Variants in RYR2 observed in about 807,000 individuals in gnomAD.
RYR2 encodes cardiac muscle ryanodine receptor-calcium release channel.
RYR2 carries 227 observed loss-of-function variants against 601.1 expected under a neutral mutation model. The ratio of observed to expected loss-of-function variants is 0.38; its 90% confidence interval spans 0.34 to 0.42. The LOEUF (loss-of-function observed/expected upper bound fraction) is 0.42, where lower values mean the gene tolerates loss of function less well. Ranked by LOEUF, RYR2 falls within the 10% of genes least tolerant of loss-of-function variation. The pLI, the probability that RYR2 is intolerant of heterozygous loss-of-function variation, is 1.00. For synonymous variants in RYR2, 2,223 were observed against 2,175.1 expected (o/e 1.02, Z -0.61); for missense variants, 4,646 against 6,156.5 (o/e 0.75, Z 8.21).
chr1:237,786,153 A>G, intron 91 of RYR2, 117 bp downstream of exon 91: 2 of 693,284 alleles, frequency 2.9e-6, no homozygotes, highest in Non-Finnish European at 2.5e-6. Flanking sequence ...GGAGCCACAG[A>G]ACTAATTGTG....
intron 38 of RYR2, among the ~76,000 whole-genome samples, chr1:237,620,054 G>C (rs2148627877): frequency 6.6e-6 from 1 of 152,292 alleles, no homozygotes; most frequent in South Asian, 2.1e-4. Flanking sequence ...TATGGTGAAT[G>C]CAGTGCATTT....
chr1:237,656,357 A>G (rs528185494), intron 53 of RYR2, among the ~76,000 whole-genome samples: 1 of 151,836 alleles, frequency 6.6e-6, no homozygotes, highest in African/African-American at 2.4e-5. Flanking sequence ...CATGCACTGC[A>G]AAGCTGTTTC....
Position 237,564,567 on chromosome 1 carries a change from G to A in RYR2, c.3215-2000G>A, listed in dbSNP as rs144214666. Among the ~76,000 whole-genome samples, 450 of 152,136 alleles carry A rather than the reference G, an allele frequency of 3.0e-3. 1 individual carries two copies. Among genetic ancestry groups the A allele is most frequent in the Non-Finnish European group, 4.5e-3 (304 of 67,984 alleles). ...TAACAGGTGTGAGCCACCGCGACCCGCCAAGAACTAGTTTCTTAATAGCAC... is the reference window on the plus strand; with the variant it reads ...TAACAGGTGTGAGCCACCGCGACCCACCAAGAACTAGTTTCTTAATAGCAC... On this transcript the variant is annotated intron_variant, in intron 27 of 104. Transcript: ENST00000366574.
chr1:237,482,825 A>G (rs1341140863), intron 17 of RYR2, among the ~76,000 whole-genome samples: 1 of 152,198 alleles, frequency 6.6e-6, no homozygotes, highest in African/African-American at 2.4e-5. Context: ...CCAACAGTGC[A>G]GGAGGGTTCC....
Position 237,626,580 on chromosome 1 carries a change from CTTTTTTTTTTTTTT to C in RYR2, c.6166+794_6166+807del, listed in dbSNP as rs60885998. 9.5e-3 allele frequency among the ~76,000 whole-genome samples: 380 copies of C among 40,130 alleles called. 3 individuals are homozygous for C. Among genetic ancestry groups the C allele is most frequent in the African/African-American group, 0.034 (358 of 10,520 alleles). 26.3% of individuals were successfully genotyped at this position (40,130 alleles called of 152,430 possible). On this transcript the variant is annotated intron_variant, in intron 40 of 104. Coordinates refer to ENST00000366574, the MANE Select transcript of RYR2 (RefSeq NM_001035.3). ...TTCTTTTCTTTTTCTTTTTCTTTTT[CTTTTTTTTTTTTTT>C]TTTTTTTTTTTTTTTTTGAGACAGT...
chr1:237,137,647 G>GCGA (rs1343996649), intron 1 of RYR2, among the ~76,000 whole-genome samples: 1 of 152,186 alleles, frequency 6.6e-6, no homozygotes, highest in Non-Finnish European at 1.5e-5. Flanking sequence ...GATAAGATGT[G>GCGA]CGACGTGGCA....
chr1:237,464,567 A>C (rs1659850475), intron 16 of RYR2, among the ~76,000 whole-genome samples: 1 of 152,062 alleles, frequency 6.6e-6, no homozygotes, highest in Non-Finnish European at 1.5e-5. Context: ...AAGCAGTCCC[A>C]CTAATATCAA....
chr1:237,761,114 G>A (rs779384212), intron 84 of RYR2, 86 bp downstream of exon 84: 4 of 780,286 alleles, frequency 5.1e-6, no homozygotes, highest in Non-Finnish European at 8.6e-6. Flanking sequence ...CAAGTAGAGA[G>A]ATAAGAAGTT....
intron 56 of RYR2, among the ~76,000 whole-genome samples, chr1:237,665,266 A>G (rs1684205134): frequency 6.6e-6 from 1 of 151,866 alleles, no homozygotes; most frequent in Admixed American, 6.6e-5. Flanking sequence ...GGTGACAGAG[A>G]TGCGTGCCTG....
intron 1 of RYR2, among the ~76,000 whole-genome samples, chr1:237,088,252 C>T (rs755735614): frequency 5.3e-5 from 8 of 151,988 alleles, no homozygotes; most frequent in Non-Finnish European, 7.4e-5. Flanking sequence ...ACCCTTGGTA[C>T]GTGTGCCAAA....
chr1:237,253,157 C>G (rs2149280332), intron 1 of RYR2, among the ~76,000 whole-genome samples: 1 of 88,992 alleles, frequency 1.1e-5, no homozygotes, highest in South Asian at 5.3e-4. Context: ...GAGCGAGACT[C>G]CGTCTCAAAA....
chr1:237,346,326 G>A (rs1698306324), intron 3 of RYR2, among the ~76,000 whole-genome samples: 1 of 143,258 alleles, frequency 7.0e-6, no homozygotes, highest in Admixed American at 7.6e-5. Context: ...TGCTACTACT[G>A]CCACTATACT....
Position 237,705,234 on chromosome 1 carries a change from A to G in RYR2, c.9471A>G (p.Glu3157=). The change falls in exon 67 of 105, where the codon GAA becomes GAG. Residue 3157 remains glutamate, a synonymous_variant. Coordinates refer to ENST00000366574, the MANE Select transcript of RYR2 (RefSeq NM_001035.3). The stretch of plus-strand genomic sequence containing the variant: ...ATAGGCAACGTTCTGCATTAGGAGA[A>G]TGTCTAGCTGCCTTTGCTGGTGCTT... ...YVERQRSALG[E]CLAAFAGAFP... 3 of 1,608,344 alleles carry G rather than the reference A, an allele frequency of 1.9e-6. No individual in the cohort carries two copies. The highest frequency in any genetic ancestry group is 2.5e-6 in the Non-Finnish European group (3 of 1,176,752).
intron 66 of RYR2, among the ~76,000 whole-genome samples, chr1:237,702,832 A>C (rs2149041512): frequency 6.6e-6 from 1 of 152,260 alleles, no homozygotes; most frequent in African/African-American, 2.4e-5. Flanking sequence ...ATTAAAACCT[A>C]TAAAGCTACA....
At chr1:237,055,414 C>T (rs534001987) in intron 1 of RYR2, among the ~76,000 whole-genome samples, 8 of 152,148 alleles carry the variant, frequency 5.3e-5, no homozygotes, top group Admixed American at 6.5e-5. Flanking sequence ...GAGATCAGAG[C>T]GGGACCGGAG....
chr1:237,640,831 A>G (rs2148737675), intron 46 of RYR2, 66 bp from the exon 47 acceptor site: 1 of 1,252,458 alleles, frequency 8.0e-7, no homozygotes, highest in East Asian at 2.4e-5. Context: ...TCGGAGAGAT[A>G]TGTAATAAAC....
At chr1:237,492,854 A>AGGAAGGAAGGAAGGAC in intron 18 of RYR2, 100 bp from the exon 19 acceptor site, 1 of 1,205,416 alleles carries the variant, frequency 8.3e-7, no homozygotes. Flanking sequence ...GAAGGAAGGA[A>AGGAAGGAAGGAAGGAC]GGAAGGAAGG....
At chr1:237,281,921 A>C (rs971029044) in intron 2 of RYR2, among the ~76,000 whole-genome samples, 1 of 152,174 alleles carries the variant, frequency 6.6e-6, no homozygotes, top group Non-Finnish European at 1.5e-5. Context: ...GAAAAACTGA[A>C]AACTACACTT....
chr1:237,284,591 C>G (rs1691302261), intron 2 of RYR2, among the ~76,000 whole-genome samples: 1 of 94,792 alleles, frequency 1.1e-5, no homozygotes, highest in African/African-American at 6.5e-5. Flanking sequence ...CACCCACACA[C>G]AGACCCACAC....
Sources: allele counts gnomAD v4.1 joint callset (sites outside exome capture counted in the v4.1 genomes callset), GRCh38; gene constraint gnomAD v4.1.1; transcripts MANE v1.5; gene names NCBI Gene and HGNC (gene_info 2026-07-23, HGNC 2026-07-21).